CSGALNACT1: variants seen among roughly 807,000 people sequenced by gnomAD.
CSGALNACT1 encodes the protein beta4GalNAcT-1.
CSGALNACT1 carries 52 observed loss-of-function variants against 51.0 expected under a neutral mutation model. That is an observed-to-expected ratio of 1.02 (90% confidence interval 0.82 to 1.29). The LOEUF (loss-of-function observed/expected upper bound fraction) is 1.29, where lower values mean the gene tolerates loss of function less well. CSGALNACT1 is among the 50% of genes most tolerant of loss of function. The pLI is 0.00. For synonymous variants in CSGALNACT1, 341 were observed against 254.4 expected (o/e 1.34, Z -3.24); for missense variants, 935 against 679.2 (o/e 1.38, Z -4.19).
At position 19,406,081 on chromosome 8, in the gene CSGALNACT1, G is replaced by C; in HGVS notation, c.1310-12C>G. 6.2e-7 allele frequency: 1 copy of C among 1,614,042 alleles called. No homozygotes were observed. The highest frequency in any genetic ancestry group is 8.5e-7 in the Non-Finnish European group (1 of 1,180,016). On this transcript the variant is annotated splice_polypyrimidine_tract_variant and intron_variant, in intron 9 of 9. Transcript: ENST00000454498. ...CAGATCAAACCCACCTGTCGGGACA[G>C]AACACACTGTTGAATCACACTGCAC...
At chr8:19,604,846 C>T (rs369547184), upstream of CSGALNACT1, among the ~76,000 whole-genome samples, 26 of 145,120 alleles carry the variant, frequency 1.8e-4, no homozygotes, top group Admixed American at 1.5e-3. Flanking sequence ...ACCCGGGAGG[C>T]GGAGCTTGCA....
chr8:19,597,727 C>G (rs768951402), intron 2 of CSGALNACT1, among the ~76,000 whole-genome samples: 1 of 152,154 alleles, frequency 6.6e-6, no homozygotes, highest in Non-Finnish European at 1.5e-5. Flanking sequence ...GCTGGTACAC[C>G]GTCAAATGTG....
chr8:19,544,899 G>A (rs1375814216), intron 3 of CSGALNACT1, among the ~76,000 whole-genome samples: 1 of 152,144 alleles, frequency 6.6e-6, no homozygotes, highest in Non-Finnish European at 1.5e-5. Context: ...AGAGGCTATC[G>A]TTTACACACA....
chr8:19,467,324 T>C (rs751451038), intron 4 of CSGALNACT1, among the ~76,000 whole-genome samples: 9 of 152,058 alleles, frequency 5.9e-5, no homozygotes, highest in Non-Finnish European at 8.8e-5. Context: ...GGTTTCACCA[T>C]GTCTGCCAGG....
chr8:19,479,426 G>C (rs2070732140), intron 4 of CSGALNACT1, among the ~76,000 whole-genome samples: 1 of 152,116 alleles, frequency 6.6e-6, no homozygotes, highest in African/African-American at 2.4e-5. Context: ...GCTGGCCTTT[G>C]GTTTTATCAG....
At chr8:19,455,940 AAG>A (rs1247145836) in intron 5 of CSGALNACT1, among the ~76,000 whole-genome samples, 1 of 152,202 alleles carries the variant, frequency 6.6e-6, no homozygotes. Flanking sequence ...TCCAGGTCAC[AAG>A]TCTTCCGCCA....
At chr8:19,613,404 A>G (rs1388272235) in intron 1 of CSGALNACT1, among the ~76,000 whole-genome samples, 3 of 152,222 alleles carry the variant, frequency 2.0e-5, no homozygotes, top group Admixed American at 2.0e-4. Context: ...AACCTTTATC[A>G]TCGCACAGAC....
intron 3 of CSGALNACT1, among the ~76,000 whole-genome samples, chr8:19,523,034 T>C (rs774640346): frequency 7.9e-5 from 12 of 152,118 alleles, no homozygotes; most frequent in Non-Finnish European, 1.2e-4. Flanking sequence ...TATGATCCTT[T>C]TGAATACACT....
chr8:19,567,253 A>G (rs952486871), intron 3 of CSGALNACT1, among the ~76,000 whole-genome samples: 3 of 152,226 alleles, frequency 2.0e-5, no homozygotes, highest in African/African-American at 7.2e-5. Context: ...ACACCAGTAC[A>G]AAGAGGGAGA....
intron 1 of CSGALNACT1, among the ~76,000 whole-genome samples, chr8:19,609,624 C>G (rs2051907556): frequency 6.7e-6 from 1 of 150,008 alleles, no homozygotes; most frequent in Non-Finnish European, 1.5e-5. Flanking sequence ...TATACAATTC[C>G]AGCACATCGG....
At chr8:19,600,314 T>G (rs760910259) in intron 2 of CSGALNACT1, among the ~76,000 whole-genome samples, 46 of 152,188 alleles carry the variant, frequency 3.0e-4, no homozygotes, top group Non-Finnish European at 6.3e-4. Flanking sequence ...ACTCTTGACC[T>G]TGTGATCCAC....
At chr8:19,532,768 C>T (rs931198709) in intron 3 of CSGALNACT1, among the ~76,000 whole-genome samples, 12 of 152,102 alleles carry the variant, frequency 7.9e-5, no homozygotes, top group Non-Finnish European at 4.4e-5. Context: ...TAACCCTTGG[C>T]GAGAAGGTAC....
At chr8:19,649,487 T>G (rs1229704664) in intron 1 of CSGALNACT1, among the ~76,000 whole-genome samples, 1 of 152,176 alleles carries the variant, frequency 6.6e-6, no homozygotes, top group Non-Finnish European at 1.5e-5. Flanking sequence ...TGAATGCTGC[T>G]GTATATCATG....
At chr8:19,656,328 A>G (rs1025043114) in intron 1 of CSGALNACT1, among the ~76,000 whole-genome samples, 6 of 152,324 alleles carry the variant, frequency 3.9e-5, no homozygotes, top group Middle Eastern at 3.4e-3. Flanking sequence ...TAGCCCTCAT[A>G]TAGGACCTCT....
At chr8:19,606,046 T>C (rs1402366291), upstream of CSGALNACT1, among the ~76,000 whole-genome samples, 1 of 152,234 alleles carries the variant, frequency 6.6e-6, no homozygotes, top group African/African-American at 2.4e-5. Flanking sequence ...CACCTGCATC[T>C]ATTTAAAACT....
At chr8:19,682,702 G>A (rs1195122100), upstream of CSGALNACT1, 10 of 453,996 alleles carry the variant, frequency 2.2e-5, no homozygotes, top group Admixed American at 1.6e-4. Flanking sequence ...TCACCTCCGT[G>A]CAATTCGGGG....
At chr8:19,464,044 T>C (rs2066133192) in intron 4 of CSGALNACT1, among the ~76,000 whole-genome samples, 1 of 152,202 alleles carries the variant, frequency 6.6e-6, no homozygotes. Context: ...CCCACTGACA[T>C]GCGTGCAGAC....
chr8:19,695,287 G>C (rs2061530212), intron 1 of CSGALNACT1, among the ~76,000 whole-genome samples: 1 of 152,044 alleles, frequency 6.6e-6, no homozygotes, highest in Non-Finnish European at 1.5e-5. Flanking sequence ...ACGTTTCTTA[G>C]GTCTTCCCAC....
intron 4 of CSGALNACT1, among the ~76,000 whole-genome samples, chr8:19,503,667 G>A (rs2153990813): frequency 6.6e-6 from 1 of 152,132 alleles, no homozygotes; most frequent in Admixed American, 6.5e-5. Context: ...ACTATAAAAT[G>A]TGATGTTGCA....
Sources: allele counts gnomAD v4.1 joint callset (sites outside exome capture counted in the v4.1 genomes callset), GRCh38; gene constraint gnomAD v4.1.1; transcripts MANE v1.5; gene names NCBI Gene and HGNC (gene_info 2026-07-23, HGNC 2026-07-21).